The following KRT80 variants were observed in gnomAD, a reference collection of about 807,000 sequenced individuals.
The protein encoded by KRT80 is keratin 80.
KRT80 carries 36 observed loss-of-function variants against 51.5 expected under a neutral mutation model. The observed-to-expected ratio is 0.70, with a 90% CI of 0.54 to 0.92. The LOEUF is 0.92. Ranked by LOEUF, KRT80 falls within the 40% of genes least tolerant of loss-of-function variation. The pLI, the probability that KRT80 is intolerant of heterozygous loss-of-function variation, is 0.00. For synonymous variants in KRT80, 235 were observed against 248.3 expected (o/e 0.95, Z 0.50); for missense variants, 566 against 591.7 (o/e 0.96, Z 0.45).
At chr12:52,189,240 G>A (rs1228724141) in intron 1 of KRT80, among the ~76,000 whole-genome samples, 1 of 151,844 alleles carries the variant, frequency 6.6e-6, no homozygotes, top group Non-Finnish European at 1.5e-5. Flanking sequence ...ACAGCCCTGC[G>A]CCGTACCTCC....
intron 2 of KRT80, among the ~76,000 whole-genome samples, chr12:52,182,488 C>T (rs747123884): frequency 1.5e-4 from 23 of 152,176 alleles, no homozygotes; most frequent in Admixed American, 2.6e-4. Context: ...TTCCTGTGTG[C>T]CTCAGCCACG....
Position 52,180,933 on chromosome 12 carries a change from G to A in KRT80, c.540C>T (p.Asp180=). 1 of 1,549,906 alleles carries A rather than the reference G, an allele frequency of 6.5e-7. No homozygotes were observed. The highest frequency in any genetic ancestry group is 8.7e-7 in the Non-Finnish European group (1 of 1,151,144). The change falls in exon 3 of 9, where the codon GAC becomes GAT. Residue 180 remains aspartate, a synonymous_variant. Coordinates refer to ENST00000394815, the MANE Select transcript of KRT80 (RefSeq NM_182507.3). The part of the protein sequence containing the change: ...RYEDEISKRT[D]MEFTFVQLKK... ...TCAGCTGAACAAAGGTGAACTCCAT[G>A]TCTGTGCGCTTGGAGATCTCATCCT...
intron 4 of KRT80, among the ~76,000 whole-genome samples, chr12:52,177,063 T>C (rs1340412946): frequency 1.3e-5 from 2 of 152,240 alleles, no homozygotes; most frequent in African/African-American, 4.8e-5. Context: ...CCACAGTTAC[T>C]GAGCCAGGAT....
rs753793376 is a variant in KRT80 at position 52,185,385 on chromosome 12, C to G, written c.503G>C (p.Arg168Pro). 2 of 1,611,084 alleles carry G rather than the reference C, an allele frequency of 1.2e-6. No homozygotes were observed. The highest frequency in any genetic ancestry group is 1.7e-6 in the Non-Finnish European group (2 of 1,178,308). The part of the protein sequence containing the change: ...LQVLEKVEEF[R>P]IRYEDEISKR... ...CTCATGGGGCTCTACGTACCTGATTCGAAACTCCTCAACCTTCTCCAGCAC... is the reference window on the plus strand; with the variant it reads ...CTCATGGGGCTCTACGTACCTGATTGGAAACTCCTCAACCTTCTCCAGCAC... The change falls in exon 2 of 9, where the codon CGA (arginine) becomes CCA (proline). Residue 168 changes from arginine to proline, a missense_variant. Coordinates refer to ENST00000394815, the MANE Select transcript of KRT80 (RefSeq NM_182507.3).
intron 4 of KRT80, among the ~76,000 whole-genome samples, chr12:52,176,347 G>A (rs765402485): frequency 7.2e-5 from 11 of 152,222 alleles, no homozygotes; most frequent in Non-Finnish European, 1.6e-4. Flanking sequence ...TTAGGAGGCT[G>A]CTGTGCGTGT....
chr12:52,190,950 G>A (rs1261721122), intron 1 of KRT80, among the ~76,000 whole-genome samples: 1 of 152,136 alleles, frequency 6.6e-6, no homozygotes, highest in Non-Finnish European at 1.5e-5. Flanking sequence ...GTGATGCTGA[G>A]GATGCACCTC....
chr12:52,179,771 G>A (rs1941290820), intron 4 of KRT80, among the ~76,000 whole-genome samples: 1 of 152,234 alleles, frequency 6.6e-6, no homozygotes, highest in Admixed American at 6.5e-5. Flanking sequence ...CTCCAACAGT[G>A]GTGCTGCCTG....
rs1941388592 is a variant in KRT80 at position 52,185,454 on chromosome 12, T to G, written c.434A>C (p.Lys145Thr). The G allele has an allele frequency of 1.2e-6, 2 of 1,614,082 alleles. No homozygotes were observed. Among genetic ancestry groups the G allele is most frequent in the Non-Finnish European group, 1.7e-6 (2 of 1,180,020 alleles). ...CAGCTGCCCCCGCTCCTGGCTCACT[T>G]TGCGCAGTTCCTCCTGCAGCCGGCC... ...YQGRLQEELRKVSQERGQLEA... is the reference protein window; with the variant it reads ...YQGRLQEELRTVSQERGQLEA... Residue 145 changes from lysine to threonine, a missense_variant, in exon 2 of 9, where the codon AAA (lysine) becomes ACA (threonine). Coordinates refer to ENST00000394815, the MANE Select transcript of KRT80 (RefSeq NM_182507.3).
At position 52,191,740 on chromosome 12, in the gene KRT80, T is replaced by G. The variant is rs202141816; in HGVS notation, c.163A>C (p.Ile55Leu). 6.2e-7 allele frequency: 1 copy of G among 1,613,590 alleles called. No homozygotes were observed. The highest frequency in any genetic ancestry group is 8.5e-7 in the Non-Finnish European group (1 of 1,179,880). The change falls in exon 1 of 9, where the codon ATC becomes CTC. Residue 55 changes from isoleucine to leucine, a missense_variant. Physicochemically the swap from Ile to Leu is conservative, Grantham distance 5 (BLOSUM62 2). Coordinates refer to ENST00000394815, the MANE Select transcript of KRT80 (RefSeq NM_182507.3). ...CCGGGGTTCACAGTCACCTTGGAGA[T>G]AGTGCCAGCCGACCAGCAGCCTGTG... ...SLTGCWSAGT[I>L]SKVTVNPGLL...
intron 6 of KRT80, 55 bp from the exon 7 acceptor site, chr12:52,172,473 G>T: frequency 6.6e-7 from 1 of 1,517,114 alleles, no homozygotes. Context: ...GGAGGAGCGG[G>T]CCAGGGCCAG....
Position 52,171,424 on chromosome 12 carries a change from A to G in KRT80, c.1333T>C (p.Ser445Pro), listed in dbSNP as rs755188804. 1 of 1,607,544 alleles carries G rather than the reference A, an allele frequency of 6.2e-7. No individual in the cohort carries two copies. Residue 445 changes from serine (S) to proline (P), a missense_variant, in exon 9 of 9, where the codon TCG becomes CCG. Ser to Pro is a moderately conservative substitution (Grantham distance 74). Coordinates refer to ENST00000394815, the MANE Select transcript of KRT80 (RefSeq NM_182507.3). ...KITEMSEKYF[S>P]QESEVSE ...TACTCTGAGACCTCCGACTCCTGCG[A>G]GAAGTACTTCTCTGACATTTCGGTG...
At chr12:52,179,738 CTTAGGCGGGCAAGCCCTGTTATCTCCAA>C (rs906073296) in intron 4 of KRT80, among the ~76,000 whole-genome samples, 2 of 152,242 alleles carry the variant, frequency 1.3e-5, no homozygotes, top group African/African-American at 4.8e-5. Flanking sequence ...GTGTGCAGCA[CTTAGGCGGGCAAGCCCTGTTATCTCCAA>C]CAGTGGTGCT....
chr12:52,177,829 C>G (rs1941257413), intron 4 of KRT80, among the ~76,000 whole-genome samples: 1 of 152,100 alleles, frequency 6.6e-6, no homozygotes, highest in Non-Finnish European at 1.5e-5. Context: ...TTTTCTTCCA[C>G]CTGAGGCAGG....
chr12:52,187,406 G>T (rs1384903348), intron 1 of KRT80, among the ~76,000 whole-genome samples: 2 of 152,216 alleles, frequency 1.3e-5, no homozygotes, highest in Admixed American at 6.5e-5. Flanking sequence ...AAGCAACTCG[G>T]TGGCCCAGCT....
intron 6 of KRT80, 86 bp from the exon 7 acceptor site, chr12:52,172,504 G>C (rs995530680): frequency 3.2e-6 from 4 of 1,262,472 alleles, no homozygotes; most frequent in African/African-American, 1.5e-5. Context: ...TGTCCTTGGT[G>C]GGGGTAGGTG....
At chr12:52,190,753 T>A (rs994202470) in intron 1 of KRT80, among the ~76,000 whole-genome samples, 2 of 152,234 alleles carry the variant, frequency 1.3e-5, no homozygotes, top group Non-Finnish European at 2.9e-5. Flanking sequence ...GCTGGCACTA[T>A]CATGATTATT....
rs1941072406 is a variant in KRT80 at position 52,170,624 on chromosome 12, G to A, written c.*774C>T. On this transcript the variant is annotated 3_prime_UTR_variant, in exon 9 of 9. Transcript: ENST00000394815. ...CCTGCCCAATCTCAAGCTGCCATCT[G>A]GCTTCCACTCCCAGGGAGTTGATTA... 6.6e-6 allele frequency: 1 copy of A among 152,310 alleles called. No individual in the cohort carries two copies. The highest frequency in any genetic ancestry group is 2.4e-5 in the African/African-American group (1 of 41,456). 9.4% of individuals were successfully genotyped at this position (152,310 alleles called of 1,614,324 possible). A position where few individuals can be genotyped will look rare whatever the true frequency, so the allele number is the denominator to read the frequency against.
At chr12:52,176,312 G>T (rs1270275155) in intron 4 of KRT80, among the ~76,000 whole-genome samples, 2 of 152,186 alleles carry the variant, frequency 1.3e-5, no homozygotes, top group African/African-American at 2.4e-5. Flanking sequence ...TAAGAATTAA[G>T]CCGAAGTACA....
At chr12:52,186,104 G>A (rs1941400279) in intron 1 of KRT80, among the ~76,000 whole-genome samples, 1 of 151,992 alleles carries the variant, frequency 6.6e-6, no homozygotes, top group African/African-American at 2.4e-5. Context: ...AGTTAGGAAT[G>A]ATAACACCTG....
Sources: allele counts gnomAD v4.1 joint callset (sites outside exome capture counted in the v4.1 genomes callset), GRCh38; gene constraint gnomAD v4.1.1; transcripts MANE v1.5; gene names NCBI Gene and HGNC (gene_info 2026-07-23, HGNC 2026-07-21).